The following PUM1 variants were observed in gnomAD, a reference collection of about 807,000 sequenced individuals.
The protein encoded by PUM1 is pumilio RNA binding family member 1, also known as pumilio homolog 1.
Under a neutral mutation model 131.8 loss-of-function variants are expected in PUM1, and 13 were observed. That is an observed-to-expected ratio of 0.10 (90% confidence interval 0.06 to 0.16). PUM1 has a LOEUF of 0.16. PUM1 is among the 10% of genes least tolerant of loss of function. PUM1 has a pLI of 1.00. For missense variants in PUM1, 961 were observed against 1,512.4 expected (o/e 0.64, Z 6.05); for synonymous variants, 509 against 556.5 (o/e 0.91, Z 1.20).
At chr1:31,000,206 T>C (rs2124499502) in intron 5 of PUM1, among the ~76,000 whole-genome samples, 1 of 152,380 alleles carries the variant, frequency 6.6e-6, no homozygotes, top group African/African-American at 2.4e-5. Flanking sequence ...TTTTTTGTTA[T>C]ATATTATCAA....
In PUM1 at chr1:30,969,332, A is replaced by AAAAG. The variant is rs769814739; in HGVS notation, c.1507-841_1507-840insCTTT. Among the ~76,000 whole-genome samples, 943 of 135,188 alleles carry AAAAG rather than the reference A, an allele frequency of 7.0e-3. 12 individuals are homozygous for AAAAG. Among genetic ancestry groups the AAAAG allele is most frequent in the Non-Finnish European group, 0.011 (687 of 62,796 alleles). 88.7% of individuals were successfully genotyped at this position (135,188 alleles called of 152,430 possible). A position where few individuals can be genotyped will look rare whatever the true frequency, so the allele number is the denominator to read the frequency against. ...ACACACACACAAAAAAAAAAAAAAA[A>AAAAG]AAAAGAAAAAAAAAGAGTATTAATG... On this transcript the variant is annotated intron_variant, in intron 10 of 21. Coordinates refer to ENST00000426105, the MANE Select transcript of PUM1 (RefSeq NM_001020658.2).
At chr1:31,031,410 A>T (rs1008858445) in intron 2 of PUM1, among the ~76,000 whole-genome samples, 1 of 152,254 alleles carries the variant, frequency 6.6e-6, no homozygotes. Flanking sequence ...ATATTTATGT[A>T]GCCATCACAA....
At position 30,968,439 on chromosome 1, in the gene PUM1, C is replaced by T. The variant is rs139411220; in HGVS notation, c.1560G>A (p.Gln520=). 2.7e-4 allele frequency: 437 copies of T among 1,598,580 alleles called. 2 individuals are homozygous for T. In the African/African-American group the frequency reaches 5.1e-3, roughly 19 times the overall value. Residue 520 remains glutamine, a synonymous_variant, in exon 11 of 22, where the codon CAG becomes CAA. Coordinates refer to ENST00000426105, the MANE Select transcript of PUM1 (RefSeq NM_001020658.2). ...QRPLTPNQNQ[Q]GQQTDPLVAA... Reference sequence around the variant, plus strand: ...CCACAAGGGGATCCGTTTGCTGTCCCTGCTGGTTCTGGTTTGGGGTCAAAG... The same window carrying T: ...CCACAAGGGGATCCGTTTGCTGTCCTTGCTGGTTCTGGTTTGGGGTCAAAG...
rs79907872 is a variant in PUM1, at chr1:30,950,458, C to G, written c.2722-197G>C. ...TCTCGATCTCTTAATTATGAGTAAC[C>G]CTTTTTAATGTTAAGAAGTTTCTCG... On this transcript the variant is annotated intron_variant, in intron 16 of 21. Transcript: ENST00000426105. Among the ~76,000 whole-genome samples the G allele has an allele frequency of 2.4e-3, 367 of 152,290 alleles. 2 individuals are homozygous for G. The highest frequency in any genetic ancestry group is 8.4e-3 in the African/African-American group (349 of 41,564).
rs375869530 is a variant in PUM1 at position 30,953,660 on chromosome 1, C to A, written c.2591+54G>T. On this transcript the variant is annotated intron_variant, in intron 15 of 21. Transcript: ENST00000426105. The stretch of plus-strand genomic sequence containing the variant: ...AAGTAGATACCCATCTGAGCCAAGA[C>A]AGTTAAGGCATTACAATTTCGGGTA... 21 of 1,596,588 alleles carry A rather than the reference C, an allele frequency of 1.3e-5. No individual in the cohort carries two copies. The Admixed American group carries it at 2.0e-4, about 15-fold the overall frequency.
chr1:31,031,702 G>A (rs530279828), intron 2 of PUM1, among the ~76,000 whole-genome samples: 12 of 152,168 alleles, frequency 7.9e-5, no homozygotes, highest in African/African-American at 2.9e-4. Context: ...GGGCTTCGAT[G>A]AATGTGCTCT....
intron 2 of PUM1, among the ~76,000 whole-genome samples, chr1:31,032,697 CT>C (rs1446173911): frequency 6.6e-6 from 1 of 152,120 alleles, no homozygotes; most frequent in East Asian, 1.9e-4. Context: ...GTCCCAGCTA[CT>C]CATGAGGCTA....
At chr1:31,038,078 CA>C (rs200678086) in intron 2 of PUM1, among the ~76,000 whole-genome samples, 239 of 71,046 alleles carry the variant, frequency 3.4e-3, no homozygotes, top group Middle Eastern at 0.021. Context: ...GACTCCATCT[CA>C]AAAAAAAAAA....
At chr1:30,996,784 A>C (rs988775177) in intron 5 of PUM1, among the ~76,000 whole-genome samples, 1 of 152,220 alleles carries the variant, frequency 6.6e-6, no homozygotes, top group Non-Finnish European at 1.5e-5. Context: ...TAGGGTTCTA[A>C]AGGCAAAAAG....
intron 3 of PUM1, among the ~76,000 whole-genome samples, chr1:31,020,605 C>A (rs1186767806): frequency 1.3e-5 from 2 of 152,102 alleles, no homozygotes; most frequent in Admixed American, 1.3e-4. Flanking sequence ...AAGCAAACAG[C>A]CCGACTGAGA....
intron 5 of PUM1, among the ~76,000 whole-genome samples, chr1:30,996,506 CATTTT>C (rs1390174169): frequency 6.6e-6 from 1 of 152,152 alleles, no homozygotes; most frequent in Non-Finnish European, 1.5e-5. Context: ...CTTTAGAGCC[CATTTT>C]ACTTCTAAAG....
Position 30,968,726 on chromosome 1 carries a change from CA to C in PUM1, c.1507-235del, listed in dbSNP as rs377080928. ...ATCTCTATAAGCAGCAAAAAGCACA[CA>C]AAAGTGATGATTCATTCATTCAAAC... On this transcript the variant is annotated intron_variant, in intron 10 of 21. Coordinates refer to ENST00000426105, the MANE Select transcript of PUM1 (RefSeq NM_001020658.2). Among the ~76,000 whole-genome samples the C allele has an allele frequency of 7.6e-4, 116 of 152,322 alleles. 1 individual carries two copies. The highest frequency in any genetic ancestry group is 2.6e-3 in the African/African-American group (110 of 41,568).
At chr1:30,974,856 A>C in intron 9 of PUM1, 54 bp from the exon 10 acceptor site, 1 of 1,461,114 alleles carries the variant, frequency 6.8e-7, no homozygotes, top group Non-Finnish European at 9.3e-7. Flanking sequence ...GGCTCATCTC[A>C]GCCTTTCCAA....
rs140901345 is a variant in PUM1 at position 31,010,365 on chromosome 1, T to C, written c.433-3263A>G. Among the ~76,000 whole-genome samples the C allele has an allele frequency of 8.1e-3, 1,235 of 152,306 alleles. 21 individuals are homozygous for C. The highest frequency in any genetic ancestry group is 0.029 in the African/African-American group (1,185 of 41,566). On this transcript the variant is annotated intron_variant, in intron 3 of 21. Transcript: ENST00000426105. ...GTGGGCTAGACCTATGACATGCCTC[T>C]AAGAAATAACATAAGACAAGTCATG...
chr1:31,045,617 T>A (rs1177056942), intron 2 of PUM1, among the ~76,000 whole-genome samples: 3 of 152,158 alleles, frequency 2.0e-5, no homozygotes, highest in Admixed American at 2.0e-4. Flanking sequence ...TAAAAATGAA[T>A]TTAAAAATAT....
intron 2 of PUM1, among the ~76,000 whole-genome samples, chr1:31,031,658 T>G (rs1643435810): frequency 6.6e-6 from 1 of 152,214 alleles, no homozygotes; most frequent in Non-Finnish European, 1.5e-5. Flanking sequence ...ATTCTATTAT[T>G]TTACTACATA....
chr1:30,957,380 G>A (rs983096338), intron 14 of PUM1, among the ~76,000 whole-genome samples: 1 of 151,826 alleles, frequency 6.6e-6, no homozygotes, highest in African/African-American at 2.4e-5. Flanking sequence ...TTTAGATGGC[G>A]AATGCACAAA....
Position 31,021,874 on chromosome 1 carries a change from TGA to T in PUM1, c.432+6920_432+6921del, listed in dbSNP as rs200646333. On this transcript the variant is annotated intron_variant, in intron 3 of 21. Transcript: ENST00000426105. Reference sequence around the variant, plus strand: ...AAACCAACCAGAAAAACTCAGGATTTGAGTTATAAGAGATCTGGGTTCAAACA... The same window carrying T: ...AAACCAACCAGAAAAACTCAGGATTTGTTATAAGAGATCTGGGTTCAAACA... Among the ~76,000 whole-genome samples the T allele has an allele frequency of 3.1e-3, 474 of 152,100 alleles. 2 individuals carry two copies. The highest frequency in any genetic ancestry group is 0.011 in the African/African-American group (452 of 41,492).
chr1:30,931,935 G>A lies in PUM1; in HGVS notation c.*1276C>T, dbSNP rs753579253. ...CTTTTTTAGGATTAAAAAAACACTA[G>A]TGAGAACTCAATCTTGAATAACATT... is the stretch of plus-strand genomic sequence containing the variant. On this transcript the variant is annotated 3_prime_UTR_variant, in exon 22 of 22. Coordinates refer to ENST00000426105, the MANE Select transcript of PUM1 (RefSeq NM_001020658.2). 2 of 152,510 alleles carry A rather than the reference G, an allele frequency of 1.3e-5. No individual in the cohort carries two copies. The highest frequency in any genetic ancestry group is 2.9e-5 in the Non-Finnish European group (2 of 68,036). The allele number at this position is 152,510 out of a possible 1,614,324, so 9.4% of individuals were successfully genotyped here. A position where few individuals can be genotyped will look rare whatever the true frequency, so the allele number is the denominator to read the frequency against.
Sources: allele counts gnomAD v4.1 joint callset (sites outside exome capture counted in the v4.1 genomes callset), GRCh38; gene constraint gnomAD v4.1.1; transcripts MANE v1.5; gene names NCBI Gene and HGNC (gene_info 2026-07-23, HGNC 2026-07-21).